The following TENM1 variants were observed in gnomAD, a reference collection of about 807,000 sequenced individuals.
TENM1 encodes the protein teneurin transmembrane protein 1.
Under a neutral mutation model 174.8 loss-of-function variants are expected in TENM1, and 35 were observed. The ratio of observed to expected loss-of-function variants is 0.20; its 90% CI spans 0.15 to 0.27. The LOEUF is 0.27. Ranked by LOEUF, TENM1 falls within the 10% of genes least tolerant of loss-of-function variation. The pLI is 1.00. For missense variants in TENM1, 1,633 were observed against 2,130.1 expected, an observed-to-expected ratio of 0.77 and a Z score of 4.59; for synonymous variants, 781 against 798.7, an observed-to-expected ratio of 0.98 and a Z score of 0.37.
chrX:124,875,963 T>TTATATATATATATA (rs771315006), intron 3 of TENM1, among the ~76,000 whole-genome samples: 1 of 105,492 alleles, frequency 9.5e-6, no homozygotes, highest in African/African-American at 3.5e-5. Flanking sequence ...TTCTAAGAAA[T>TTATATATATATATA]TATATATATA....
chrX:124,855,791 G>A (rs996907134), intron 3 of TENM1, among the ~76,000 whole-genome samples: 1 of 111,384 alleles, frequency 9.0e-6, no homozygotes, highest in Non-Finnish European at 1.9e-5. Flanking sequence ...ACAGCCACAA[G>A]TACAAAAGAG....
intron 3 of TENM1, among the ~76,000 whole-genome samples, chrX:124,826,306 G>C (rs2056159770): frequency 9.1e-6 from 1 of 109,562 alleles, no homozygotes; most frequent in Non-Finnish European, 1.9e-5. Context: ...CTACTCAAGA[G>C]GCTGAGGTGA....
chrX:124,963,897 G>A, upstream of TENM1: 2 of 495,414 alleles, frequency 4.0e-6, no homozygotes, highest in Admixed American at 3.7e-5. Flanking sequence ...TTCACAATTG[G>A]TCCTGATAAT....
chrX:124,685,720 C>T (rs1003650708), intron 5 of TENM1, among the ~76,000 whole-genome samples: 5 of 110,243 alleles, frequency 4.5e-5, no homozygotes, highest in African/African-American at 6.6e-5. Flanking sequence ...CCACCATGCC[C>T]GGCTAATTTT....
At chrX:124,525,816 A>G (rs1413152482) in intron 16 of TENM1, among the ~76,000 whole-genome samples, 3 of 111,891 alleles carry the variant, frequency 2.7e-5, no homozygotes, top group African/African-American at 9.7e-5. Flanking sequence ...TCTATAATCT[A>G]TCTCTTAGCT....
chrX:124,418,318 C>T (rs2060615712), intron 25 of TENM1, among the ~76,000 whole-genome samples: 1 of 111,120 alleles, frequency 9.0e-6, no homozygotes, highest in East Asian at 2.8e-4. Context: ...GGCATTTATA[C>T]TTGCTCTTCC....
At chrX:124,672,304 A>G (rs761999186) in intron 5 of TENM1, among the ~76,000 whole-genome samples, 85 of 111,775 alleles carry the variant, frequency 7.6e-4, no homozygotes, top group Middle Eastern at 4.6e-3. Flanking sequence ...ATAAAGCCCT[A>G]TGATAGTTGC....
chrX:124,915,046 T>C (rs1049348542), intron 1 of TENM1, among the ~76,000 whole-genome samples: 9 of 111,675 alleles, frequency 8.1e-5, no homozygotes, highest in African/African-American at 2.9e-4. Flanking sequence ...TTGTTCCTCT[T>C]CTCCTTCCTG....
chrX:124,945,826 A>T (rs756269048), intron 1 of TENM1, among the ~76,000 whole-genome samples: 1 of 111,580 alleles, frequency 9.0e-6, no homozygotes, highest in Admixed American at 9.6e-5. Context: ...CAAAATAAGA[A>T]TGGAGGATCA....
chrX:124,991,975 A>G, the TENM1 span, among the ~76,000 whole-genome samples: 1 of 110,747 alleles, frequency 9.0e-6, no homozygotes, highest in African/African-American at 3.3e-5. Context: ...CCTTGCTTAA[A>G]TCTATCATTC....
At chrX:125,106,900 C>T in the TENM1 span, among the ~76,000 whole-genome samples, 5 of 111,862 alleles carry the variant, frequency 4.5e-5, no homozygotes, top group Non-Finnish European at 7.5e-5. Flanking sequence ...AGAAAGGAAA[C>T]GGTCACAGAA....
At chrX:124,745,607 G>A (rs2053898398) in intron 3 of TENM1, among the ~76,000 whole-genome samples, 1 of 110,863 alleles carries the variant, frequency 9.0e-6, no homozygotes, top group African/African-American at 3.3e-5. Context: ...GAAAGGGGTT[G>A]GGGTTATAGC....
At chrX:125,187,258 T>C in the TENM1 span, among the ~76,000 whole-genome samples, 1 of 112,208 alleles carries the variant, frequency 8.9e-6, no homozygotes, top group Non-Finnish European at 1.9e-5. Flanking sequence ...AGACTCTGTC[T>C]CAAAAACAAA....
At chrX:125,150,405 C>T in the TENM1 span, among the ~76,000 whole-genome samples, 2 of 106,410 alleles carry the variant, frequency 1.9e-5, no homozygotes, top group Non-Finnish European at 4.0e-5. Context: ...TAAACTCTGC[C>T]GAGCCTGCAT....
Position 124,666,848 on chromosome X carries a change from A to T in TENM1, c.1168+4835T>A, listed in dbSNP as rs1308456120. On this transcript the variant is annotated intron_variant, in intron 6 of 31. Coordinates refer to ENST00000422452, the Ensembl canonical transcript of TENM1. ...CGATCCCACCAGTAAATCATCTCAC[A>T]TGTAACCCATCTACCCCTTCCTAAT... Among the ~76,000 whole-genome samples, 3 of 101,000 alleles carry T rather than the reference A, an allele frequency of 3.0e-5. No homozygotes were observed. In the Admixed American group the frequency reaches 3.4e-4, roughly 11 times the overall value. The allele number at this position is 101,000 out of a possible 115,157, so 87.7% of individuals were successfully genotyped here.
In TENM1 at chrX:124,872,710, T is replaced by C. The variant is rs755375618; in HGVS notation, c.535+21586A>G. 4.5e-5 allele frequency among the ~76,000 whole-genome samples: 5 copies of C among 112,270 alleles called. No individual in the cohort carries two copies. The East Asian group carries it at 1.4e-3, about 31-fold the overall frequency. On this transcript the variant is annotated intron_variant, in intron 3 of 31. Coordinates refer to ENST00000422452, the Ensembl canonical transcript of TENM1. ...AAGTTTGAAATTTGCAGCTGTGTTC[T>C]TGTTTTACAGCTGCTAATTTTGGCA...
rs542449741 is a variant in TENM1, at chrX:124,705,271, G to A, written c.777-20C>T. ...AAATGCCTGTGAAAAGGAAACACAA[G>A]TTTGGGCTATAAAAAGCAAAGCCAG... On this transcript the variant is annotated intron_variant, in intron 4 of 31. Coordinates refer to ENST00000422452, the Ensembl canonical transcript of TENM1. 7.2e-5 allele frequency: 82 copies of A among 1,133,633 alleles called. No homozygotes were observed. The highest frequency in any genetic ancestry group is 6.2e-4 in the South Asian group (30 of 48,758). 93.4% of individuals were successfully genotyped at this position (1,133,633 alleles called of 1,213,427 possible).
At chrX:124,749,676 T>C (rs946257790) in intron 3 of TENM1, among the ~76,000 whole-genome samples, 1 of 111,793 alleles carries the variant, frequency 8.9e-6, no homozygotes, top group African/African-American at 3.2e-5. Context: ...TGACGACTAT[T>C]TAGAAATGTG....
At chrX:125,168,499 A>G in the TENM1 span, among the ~76,000 whole-genome samples, 2 of 111,632 alleles carry the variant, frequency 1.8e-5, no homozygotes, top group Non-Finnish European at 3.8e-5. Context: ...GGCAGAACTT[A>G]TAACTTATTT....
Sources: gnomAD v4.1 joint callset for allele counts (sites outside exome capture counted in the v4.1 genomes callset) on GRCh38, gnomAD v4.1.1 for gene constraint, MANE v1.5 for transcripts, NCBI Gene and HGNC (gene_info 2026-07-23, HGNC 2026-07-21) for gene names.